Variants in SPRED1 observed in about 807,000 individuals in gnomAD.
The protein encoded by SPRED1 is sprouty related EVH1 domain containing 1.
SPRED1 carries 18 observed loss-of-function variants against 52.3 expected under a neutral mutation model. The observed-to-expected ratio is 0.34, with a 90% CI of 0.24 to 0.51. The LOEUF is 0.51. Among genes scored for constraint, SPRED1 ranks in the 20% least tolerant of loss-of-function variants. The pLI, the probability that SPRED1 is intolerant of heterozygous loss-of-function variation, is 0.97. For missense variants in SPRED1, 485 were observed against 551.0 expected, an observed-to-expected ratio of 0.88 and a Z score of 1.20; for synonymous variants, 155 against 179.7, an observed-to-expected ratio of 0.86 and a Z score of 1.10.
intron 1 of SPRED1, among the ~76,000 whole-genome samples, chr15:38,290,114 T>C (rs1289526031): frequency 6.6e-6 from 1 of 152,248 alleles, no homozygotes. Flanking sequence ...CATATTTTAC[T>C]CTAATGCTTT....
chr15:38,290,881 A>G (rs572348573), intron 1 of SPRED1, among the ~76,000 whole-genome samples: 3 of 152,312 alleles, frequency 2.0e-5, no homozygotes, highest in South Asian at 2.1e-4. Flanking sequence ...ACCCCATATC[A>G]TTCTGCCCTT....
chr15:38,348,416 CTGTGTGTG>C (rs3075338), intron 5 of SPRED1, among the ~76,000 whole-genome samples: 2 of 148,548 alleles, frequency 1.3e-5, no homozygotes, highest in African/African-American at 2.5e-5. Context: ...TTTTAAAGAT[CTGTGTGTG>C]TGTGTGTGTG....
chr15:38,335,605 A>C (rs889261294), intron 4 of SPRED1, among the ~76,000 whole-genome samples: 11 of 152,096 alleles, frequency 7.2e-5, no homozygotes, highest in Admixed American at 5.9e-4. Context: ...ATTTAAGCTA[A>C]AAAATGATTT....
intron 2 of SPRED1, among the ~76,000 whole-genome samples, chr15:38,313,494 A>G (rs1207097883): frequency 2.0e-5 from 3 of 151,910 alleles, no homozygotes; most frequent in Admixed American, 6.6e-5. Context: ...GTTGTACTCA[A>G]TGGGTGAAAT....
At chr15:38,342,633 T>C (rs1169507602) in intron 5 of SPRED1, among the ~76,000 whole-genome samples, 1 of 152,140 alleles carries the variant, frequency 6.6e-6, no homozygotes, top group Admixed American at 6.5e-5. Flanking sequence ...AATTCTGTTA[T>C]AATTTATTTT....
chr15:38,338,745 A>G (rs1201924125), intron 4 of SPRED1, among the ~76,000 whole-genome samples: 1 of 152,208 alleles, frequency 6.6e-6, no homozygotes, highest in Non-Finnish European at 1.5e-5. Context: ...GAGAAATTGA[A>G]TGCCAAAGGA....
intron 1 of SPRED1, among the ~76,000 whole-genome samples, chr15:38,280,898 A>T (rs947001746): frequency 5.9e-5 from 9 of 152,210 alleles, no homozygotes; most frequent in Non-Finnish European, 8.8e-5. Context: ...TCACCTAAAC[A>T]TCCATATCTC....
chr15:38,296,548 T>C (rs1174278652), intron 1 of SPRED1, among the ~76,000 whole-genome samples: 1 of 152,188 alleles, frequency 6.6e-6, no homozygotes, highest in Non-Finnish European at 1.5e-5. Context: ...TTTATTGAAA[T>C]ACTAGCTGAA....
At chr15:38,302,938 C>T (rs1182745035) in intron 2 of SPRED1, among the ~76,000 whole-genome samples, 1 of 151,784 alleles carries the variant, frequency 6.6e-6, no homozygotes, top group East Asian at 1.9e-4. Context: ...CCGAGGCAGG[C>T]GGATCACAAG....
chr15:38,307,680 G>T (rs897363059), intron 2 of SPRED1, among the ~76,000 whole-genome samples: 8 of 152,106 alleles, frequency 5.3e-5, no homozygotes, highest in Non-Finnish European at 1.2e-4. Flanking sequence ...TTGATTGTTA[G>T]TTGAGTAGTA....
intron 1 of SPRED1, among the ~76,000 whole-genome samples, chr15:38,275,624 A>G (rs1894533282): frequency 6.6e-6 from 1 of 152,064 alleles, no homozygotes; most frequent in Non-Finnish European, 1.5e-5. Flanking sequence ...CAGCCTCCCA[A>G]GTAGCTGGGA....
chr15:38,316,748 G>GGTTTTTTTTTTTTTTTTTTTTTT, intron 2 of SPRED1, among the ~76,000 whole-genome samples: 11 of 41,916 alleles, frequency 2.6e-4, no homozygotes, highest in Admixed American at 2.9e-4. Context: ...TCCATTATAT[G>GGTTTTTTTTTTTTTTTTTTTTTT]TTTTTTTTTT....
intron 1 of SPRED1, among the ~76,000 whole-genome samples, chr15:38,288,440 A>G (rs1375812180): frequency 6.6e-6 from 1 of 152,192 alleles, no homozygotes; most frequent in Non-Finnish European, 1.5e-5. Context: ...ATAATTTCAG[A>G]TAGTCATAGG....
chr15:38,256,171 CATTT>C (rs1371318810), intron 1 of SPRED1, among the ~76,000 whole-genome samples: 1 of 152,090 alleles, frequency 6.6e-6, no homozygotes, highest in Non-Finnish European at 1.5e-5. Context: ...GATTGTTTCA[CATTT>C]ATGTTTAAAA....
At chr15:38,276,981 A>G (rs1391460667) in intron 1 of SPRED1, among the ~76,000 whole-genome samples, 1 of 152,188 alleles carries the variant, frequency 6.6e-6, no homozygotes, top group East Asian at 1.9e-4. Flanking sequence ...TAGCAGGCTA[A>G]TGCTTGGTGT....
intron 1 of SPRED1, among the ~76,000 whole-genome samples, chr15:38,278,769 A>G (rs112240705): frequency 3.0e-4 from 2 of 6,670 alleles, no homozygotes; most frequent in East Asian, 5.2e-3. Context: ...AAGAATGACA[A>G]AGAAAAAAAA....
At chr15:38,311,997 T>C (rs935114198) in intron 2 of SPRED1, among the ~76,000 whole-genome samples, 2 of 152,150 alleles carry the variant, frequency 1.3e-5, no homozygotes, top group Admixed American at 1.3e-4. Context: ...TTTTCCTCCT[T>C]TGTAAAGTCC....
At position 38,352,524 on chromosome 15, in the gene SPRED1, TAAAC is replaced by T. The variant is rs1051224906; in HGVS notation, c.*866_*869del. The T allele has an allele frequency of 2.0e-5, 3 of 152,532 alleles. No individual in the cohort carries two copies. Among genetic ancestry groups the T allele is most frequent in the African/African-American group, 4.8e-5 (2 of 41,442 alleles). 9.4% of individuals were successfully genotyped at this position (152,532 alleles called of 1,614,324 possible). A position where few individuals can be genotyped will look rare whatever the true frequency, so the allele number is the denominator to read the frequency against. On this transcript the variant is annotated 3_prime_UTR_variant, in exon 7 of 7. Coordinates refer to ENST00000299084, the MANE Select transcript of SPRED1 (RefSeq NM_152594.3). ...TATTTTTATATAAAAAGAGACTGAG[TAAAC>T]AAACATTATAGAAAAAAAGTGAAGT...
At chr15:38,322,755 A>G (rs889604321) in intron 3 of SPRED1, among the ~76,000 whole-genome samples, 7 of 152,208 alleles carry the variant, frequency 4.6e-5, no homozygotes, top group African/African-American at 1.7e-4. Context: ...TTGTGTATGT[A>G]TGACACCAGT....
Sources: gnomAD v4.1 joint callset for allele counts (sites outside exome capture counted in the v4.1 genomes callset) on GRCh38, gnomAD v4.1.1 for gene constraint, MANE v1.5 for transcripts, NCBI Gene and HGNC (gene_info 2026-07-23, HGNC 2026-07-21) for gene names.